FOXP1: variants seen among roughly 807,000 people sequenced by gnomAD.
The protein encoded by FOXP1 is forkhead box protein P1.
In FOXP1, 15 loss-of-function variants were observed where a neutral mutation model predicts 98.2. The ratio of observed to expected loss-of-function variants is 0.15; its 90% CI spans 0.10 to 0.24. The LOEUF (loss-of-function observed/expected upper bound fraction) is 0.24. Among genes scored for constraint, FOXP1 ranks in the 10% least tolerant of loss-of-function variants. The probability of loss-of-function intolerance (pLI) is 1.00; values close to 1 mark genes in which losing one functional copy is unlikely to be tolerated. For missense variants in FOXP1, 633 were observed against 848.5 expected, an observed-to-expected ratio of 0.75 and a Z score of 3.15; for synonymous variants, 371 against 314.5, an observed-to-expected ratio of 1.18 and a Z score of -1.90.
chr3:71,046,817 T>C, intron 10 of FOXP1, 125 bp downstream of exon 10: 1 of 1,189,560 alleles, frequency 8.4e-7, no homozygotes, highest in Non-Finnish European at 1.3e-6. Context: ...CCACTCCACT[T>C]TTCTTAAAAG....
intron 2 of FOXP1, among the ~76,000 whole-genome samples, chr3:71,579,098 C>G (rs915566443): frequency 6.6e-6 from 1 of 152,060 alleles, no homozygotes; most frequent in South Asian, 2.1e-4. Flanking sequence ...ACTATGTGAC[C>G]GACACTTGTT....
chr3:71,306,399 A>G (rs1332328192), intron 4 of FOXP1, among the ~76,000 whole-genome samples: 1 of 152,130 alleles, frequency 6.6e-6, no homozygotes, highest in African/African-American at 2.4e-5. Flanking sequence ...TCAATCTTTA[A>G]CATTCAACGA....
chr3:71,128,077 A>G (rs192414494), intron 6 of FOXP1, among the ~76,000 whole-genome samples: 2 of 152,332 alleles, frequency 1.3e-5, no homozygotes, highest in East Asian at 3.9e-4. Context: ...CCAAAACAGT[A>G]TAGGCAATGA....
chr3:71,478,716 C>T (rs1577732405), intron 3 of FOXP1, among the ~76,000 whole-genome samples: 1 of 152,216 alleles, frequency 6.6e-6, no homozygotes, highest in South Asian at 2.1e-4. Flanking sequence ...TCAGTGGAAA[C>T]AATGAATCAC....
At chr3:71,154,897 A>G (rs1560032908) in intron 6 of FOXP1, among the ~76,000 whole-genome samples, 2 of 152,204 alleles carry the variant, frequency 1.3e-5, no homozygotes, top group African/African-American at 2.4e-5. Flanking sequence ...AACATTTGCA[A>G]TAAGATTTCA....
At chr3:71,198,731 C>A (rs1300046048) in intron 5 of FOXP1, among the ~76,000 whole-genome samples, 1 of 151,410 alleles carries the variant, frequency 6.6e-6, no homozygotes, top group African/African-American at 2.4e-5. Flanking sequence ...ACGGCTCAGT[C>A]GCCCAGGCTG....
chr3:71,455,860 T>G (rs2087434271), intron 3 of FOXP1, among the ~76,000 whole-genome samples: 1 of 152,226 alleles, frequency 6.6e-6, no homozygotes, highest in Non-Finnish European at 1.5e-5. Context: ...TATCTCCCAT[T>G]GCAGATCTGC....
chr3:71,149,836 G>C (rs909161973), intron 6 of FOXP1, among the ~76,000 whole-genome samples: 1 of 152,052 alleles, frequency 6.6e-6, no homozygotes, highest in African/African-American at 2.4e-5. Flanking sequence ...TTGGTGGGAA[G>C]GAGAGAAGGG....
At chr3:71,199,445 G>A (rs1302185535) in intron 5 of FOXP1, among the ~76,000 whole-genome samples, 1 of 151,904 alleles carries the variant, frequency 6.6e-6, no homozygotes, top group East Asian at 1.9e-4. Context: ...ATATATATAG[G>A]CCTGGGGGCG....
At chr3:71,333,811 G>C (rs1223347850) in intron 4 of FOXP1, 2 of 151,632 alleles carry the variant, frequency 1.3e-5, no homozygotes, top group Admixed American at 6.6e-5. Flanking sequence ...ATGACAGAGT[G>C]AGACCCTATC....
intron 5 of FOXP1, among the ~76,000 whole-genome samples, chr3:71,202,841 T>C (rs183879137): frequency 1.2e-4 from 18 of 152,350 alleles, no homozygotes; most frequent in Admixed American, 8.5e-4. Context: ...GTCTTTTTCT[T>C]TTGACTTTTC....
At chr3:71,204,876 A>G (rs1431666248) in intron 5 of FOXP1, among the ~76,000 whole-genome samples, 1 of 152,190 alleles carries the variant, frequency 6.6e-6, no homozygotes, top group Non-Finnish European at 1.5e-5. Context: ...CAGACACACC[A>G]TTTGTCTATC....
At chr3:71,467,421 G>A (rs2088883832) in intron 3 of FOXP1, among the ~76,000 whole-genome samples, 1 of 152,008 alleles carries the variant, frequency 6.6e-6, no homozygotes, top group Non-Finnish European at 1.5e-5. Flanking sequence ...GGTGGGTGGT[G>A]GACAAATGGA....
At chr3:71,267,353 C>A (rs938282251) in intron 5 of FOXP1, among the ~76,000 whole-genome samples, 5 of 151,926 alleles carry the variant, frequency 3.3e-5, no homozygotes, top group Non-Finnish European at 7.4e-5. Context: ...TACAGTAGAT[C>A]CAGATGGAAA....
chr3:71,087,853 T>C (rs899087598), intron 7 of FOXP1, among the ~76,000 whole-genome samples: 1 of 152,202 alleles, frequency 6.6e-6, no homozygotes, highest in African/African-American at 2.4e-5. Flanking sequence ...GCTTGTTATA[T>C]TATGCAAAAG....
intron 2 of FOXP1, among the ~76,000 whole-genome samples, chr3:71,540,291 C>T (rs1286925547): frequency 2.0e-5 from 3 of 152,156 alleles, no homozygotes. Flanking sequence ...TTTTTGCAAA[C>T]AGCACTGGTC....
At chr3:71,499,617 G>GC (rs1223526744) in intron 2 of FOXP1, among the ~76,000 whole-genome samples, 1 of 152,216 alleles carries the variant, frequency 6.6e-6, no homozygotes, top group African/African-American at 2.4e-5. Context: ...ACGTGCCACA[G>GC]CAAGAGTGAG....
rs1435022234 is a variant in FOXP1, at chr3:70,977,839, G to C, written c.1337C>G (p.Pro446Arg). The C allele has an allele frequency of 6.2e-7, 1 of 1,614,138 alleles. No individual in the cohort carries two copies. The highest frequency in any genetic ancestry group is 1.1e-5 in the South Asian group (1 of 91,086). ...RRRYSDKYNV[P>R]ISSADIAQNQ... ...GGTGGAGTATCTACCTGACGAAATG[G>C]GCACGTTGTATTTGTCTGAGTACCG... Residue 446 changes from proline (P) to arginine (R), a missense_variant, in exon 15 of 21, where the codon CCC (proline) becomes CGC (arginine). Transcript: ENST00000649528.
chr3:71,036,358 C>A (rs1181244779), intron 11 of FOXP1, among the ~76,000 whole-genome samples: 1 of 152,090 alleles, frequency 6.6e-6, no homozygotes, highest in African/African-American at 2.4e-5. Flanking sequence ...TAATATGATA[C>A]CTCAAAAAAG....
Sources: allele counts gnomAD v4.1 joint callset (sites outside exome capture counted in the v4.1 genomes callset), GRCh38; gene constraint gnomAD v4.1.1; transcripts MANE v1.5; gene names NCBI Gene and HGNC (gene_info 2026-07-23, HGNC 2026-07-21).